CNBD2: variants seen among roughly 807,000 people sequenced by gnomAD.
The protein encoded by CNBD2 is cyclic nucleotide binding domain containing 2.
Under a neutral mutation model 63.7 loss-of-function variants are expected in CNBD2, and 64 were observed. That is an observed-to-expected ratio of 1.00 (90% CI 0.82 to 1.24). CNBD2 has a LOEUF of 1.24. CNBD2 is among the 50% of genes most tolerant of loss of function. The pLI is 0.00. For missense variants in CNBD2, 691 were observed against 713.5 expected (o/e 0.97, Z 0.36); for synonymous variants, 229 against 255.4 (o/e 0.90, Z 0.99).
chr20:35,995,057 G>T lies in CNBD2; in HGVS notation c.875G>T (p.Arg292Leu). 1.2e-6 allele frequency: 2 copies of T among 1,614,058 alleles called. No homozygotes were observed. ...FISKGSCEVL[R>L]LLDLGASPSY... is the part of the protein sequence containing the mutation. ...GTTCAGGGCAGCTGTGAAGTCCTGC[G>T]GCTGTTGGACCTTGGGGCCTCCCCT... is the stretch of plus-strand genomic sequence containing the variant. The change falls in exon 8 of 12, where the codon CGG becomes CTG. Residue 292 changes from arginine (R) to leucine (L), a missense_variant. By Grantham distance (102) the Arg-to-Leu change is moderately radical. Coordinates refer to ENST00000373973, the MANE Select transcript of CNBD2 (RefSeq NM_001365709.1).
In CNBD2 at chr20:35,984,692, C is replaced by T; in HGVS notation, c.630C>T (p.Phe210=). The T allele has an allele frequency of 1.2e-6, 2 of 1,614,186 alleles. No homozygotes were observed. Among genetic ancestry groups the T allele is most frequent in the Non-Finnish European group, 8.5e-7 (1 of 1,180,024 alleles). The change falls in exon 6 of 12, where the codon TTC becomes TTT. Residue 210 remains phenylalanine, a synonymous_variant. Transcript: ENST00000373973. ...TCGTCTGTATGGAAGAAACGGAGTT[C>T]CTGGTTGTTGACCGGGAGGACTTCT... ...STIVCMEETE[F]LVVDREDFFA...
intron 10 of CNBD2, among the ~76,000 whole-genome samples, chr20:36,021,844 A>G (rs1463377067): frequency 1.3e-5 from 2 of 152,110 alleles, no homozygotes; most frequent in East Asian, 3.8e-4. Context: ...CAGATAGAAC[A>G]AAGTAGGAAT....
Position 35,980,630 on chromosome 20 carries a change from A to T in CNBD2, c.407+8A>T. 6.2e-7 allele frequency: 1 copy of T among 1,612,488 alleles called. No homozygotes were observed. The highest frequency in any genetic ancestry group is 8.5e-7 in the Non-Finnish European group (1 of 1,179,868). On this transcript the variant is annotated splice_region_variant and intron_variant, in intron 4 of 11. Transcript: ENST00000373973. ...AGTCATGCGCTTTGAACGGTCAGTG[A>T]GGGGCACAGCCCTTGGCCACCAGGC...
chr20:36,027,394 T>C (rs1422713371), intron 11 of CNBD2, among the ~76,000 whole-genome samples: 2 of 152,214 alleles, frequency 1.3e-5, no homozygotes, highest in Non-Finnish European at 1.5e-5. Context: ...CTTCATGACC[T>C]TCTCTAGGCT....
intron 8 of CNBD2, among the ~76,000 whole-genome samples, chr20:36,006,064 T>A (rs1378017669): frequency 6.6e-6 from 1 of 151,712 alleles, no homozygotes; most frequent in Admixed American, 6.6e-5. Flanking sequence ...AGTCTTGCCC[T>A]GTCACCCAGG....
chr20:35,973,576 A>AT (rs1196490428), intron 2 of CNBD2: 1 of 151,958 alleles, frequency 6.6e-6, no homozygotes, highest in African/African-American at 2.4e-5. Context: ...CACCCAGCTA[A>AT]TTTTTTGTAT....
chr20:35,993,167 T>G (rs1275668690), intron 7 of CNBD2, among the ~76,000 whole-genome samples: 1 of 151,944 alleles, frequency 6.6e-6, no homozygotes, highest in Non-Finnish European at 1.5e-5. Flanking sequence ...AAAAAAAAAG[T>G]ATGCAGTAAA....
At chr20:35,991,961 A>G (rs2056752583) in intron 7 of CNBD2, among the ~76,000 whole-genome samples, 3 of 151,670 alleles carry the variant, frequency 2.0e-5, no homozygotes, top group Non-Finnish European at 4.4e-5. Context: ...GCTCACTGCA[A>G]CCTCCACCTC....
chr20:36,023,330 G>C (rs1322143816), intron 10 of CNBD2, among the ~76,000 whole-genome samples: 2 of 152,042 alleles, frequency 1.3e-5, no homozygotes, highest in African/African-American at 4.8e-5. Context: ...TTCGAGACCA[G>C]CCTGACCAAC....
At chr20:35,968,167 G>A (rs1159773449), upstream of CNBD2, among the ~76,000 whole-genome samples, 2 of 152,136 alleles carry the variant, frequency 1.3e-5, no homozygotes, top group African/African-American at 4.8e-5. Context: ...CAAATTAAGG[G>A]GCAGGCTAAT....
chr20:35,972,933 CT>C, intron 2 of CNBD2, 167 bp downstream of exon 2: 1 of 649,638 alleles, frequency 1.5e-6, no homozygotes, highest in Non-Finnish European at 2.6e-6. Flanking sequence ...GAGAGGGTGA[CT>C]TACATCATCA....
chr20:35,958,128 C>T (rs1403142063), downstream of CNBD2, among the ~76,000 whole-genome samples: 3 of 152,120 alleles, frequency 2.0e-5, no homozygotes, highest in African/African-American at 7.2e-5. Flanking sequence ...CTGGAGAATA[C>T]GTCTTTTAAA....
intron 4 of CNBD2, 59 bp from the exon 5 acceptor site, chr20:35,983,923 C>A (rs1568871500): frequency 1.2e-6 from 2 of 1,603,776 alleles, no homozygotes; most frequent in South Asian, 1.1e-5. Flanking sequence ...CAGAGCTCCT[C>A]TCAGCTTGGA....
intron 10 of CNBD2, among the ~76,000 whole-genome samples, chr20:36,022,337 T>C (rs2057226437): frequency 6.6e-6 from 1 of 150,662 alleles, no homozygotes; most frequent in Non-Finnish European, 1.5e-5. Context: ...TAGCCGGAAC[T>C]ACAGGCACGT....
intron 11 of CNBD2, among the ~76,000 whole-genome samples, chr20:36,027,824 G>A (rs970388210): frequency 6.6e-6 from 1 of 151,830 alleles, no homozygotes; most frequent in African/African-American, 2.4e-5. Context: ...TACAGGCGCC[G>A]CCACCACACC....
intron 2 of CNBD2, among the ~76,000 whole-genome samples, chr20:35,975,448 C>G (rs2056499076): frequency 9.7e-6 from 1 of 103,590 alleles, no homozygotes; most frequent in African/African-American, 4.2e-5. Context: ...CTACAGGCGC[C>G]CGCTACCACG....
At chr20:36,022,008 AT>A (rs1255435188) in intron 10 of CNBD2, among the ~76,000 whole-genome samples, 3 of 140,304 alleles carry the variant, frequency 2.1e-5, no homozygotes, top group Non-Finnish European at 4.6e-5. Context: ...TTGATTTTTT[AT>A]TTTACTTTTT....
At chr20:36,009,675 T>C (rs1031975987) in intron 9 of CNBD2, among the ~76,000 whole-genome samples, 3 of 151,900 alleles carry the variant, frequency 2.0e-5, no homozygotes, top group African/African-American at 7.2e-5. Flanking sequence ...CTACTAAAAA[T>C]ACAAAAATTA....
intron 3 of CNBD2, among the ~76,000 whole-genome samples, chr20:35,978,535 G>A (rs774430980): frequency 1.4e-4 from 22 of 152,068 alleles, no homozygotes; most frequent in Non-Finnish European, 2.8e-4. Context: ...TAGTAGAGAC[G>A]GGGTTTCACC....
Sources: gnomAD v4.1 joint callset for allele counts (sites outside exome capture counted in the v4.1 genomes callset) on GRCh38, gnomAD v4.1.1 for gene constraint, MANE v1.5 for transcripts, NCBI Gene and HGNC (gene_info 2026-07-23, HGNC 2026-07-21) for gene names.